KCNH7: variants seen among roughly 807,000 people sequenced by gnomAD.
KCNH7 encodes voltage-gated inwardly rectifying potassium channel KCNH7.
In KCNH7, 49 loss-of-function variants were observed where a neutral mutation model predicts 120.8. The observed-to-expected ratio is 0.41, with a 90% CI of 0.32 to 0.51. KCNH7 has a LOEUF of 0.51. KCNH7 is among the 20% of genes least tolerant of loss of function. The pLI, the probability that KCNH7 is intolerant of heterozygous loss-of-function variation, is 0.38. For missense variants in KCNH7, 1,097 were observed against 1,446.6 expected (o/e 0.76, Z 3.92); for synonymous variants, 547 against 516.1 (o/e 1.06, Z -0.81).
Position 162,451,757 on chromosome 2 carries a change from A to G in KCNH7, c.1129-5314T>C, listed in dbSNP as rs144572267. ...GATATGTTCTCTCCTATGGTCTCTT[A>G]AGCAGGGTAGTAAGATGTGGTGGCT... On this transcript the variant is annotated intron_variant, in intron 6 of 15. Transcript: ENST00000332142. 1.8e-3 allele frequency among the ~76,000 whole-genome samples: 276 copies of G among 152,166 alleles called. 1 individual carries two copies. Among genetic ancestry groups the G allele is most frequent in the Middle Eastern group, 6.8e-3 (2 of 294 alleles).
intron 2 of KCNH7, among the ~76,000 whole-genome samples, chr2:162,642,031 C>T (rs935391410): frequency 6.6e-6 from 1 of 152,236 alleles, no homozygotes; most frequent in African/African-American, 2.4e-5. Context: ...GATCTGGCCA[C>T]TCAGAGGACA....
intron 2 of KCNH7, among the ~76,000 whole-genome samples, chr2:162,538,445 G>A (rs1692187586): frequency 6.6e-6 from 1 of 151,948 alleles, no homozygotes; most frequent in Non-Finnish European, 1.5e-5. Context: ...GGGAGGTTGA[G>A]AGCAAGATTA....
At chr2:162,550,686 C>T (rs1479496162) in intron 2 of KCNH7, among the ~76,000 whole-genome samples, 1 of 152,036 alleles carries the variant, frequency 6.6e-6, no homozygotes, top group African/African-American at 2.4e-5. Context: ...ATTACCTCCC[C>T]TCAAATTACC....
intron 2 of KCNH7, among the ~76,000 whole-genome samples, chr2:162,564,754 C>T (rs1007382527): frequency 6.6e-6 from 1 of 152,108 alleles, no homozygotes; most frequent in Non-Finnish European, 1.5e-5. Flanking sequence ...CTACATGGTT[C>T]TACCTCTAAA....
intron 9 of KCNH7, among the ~76,000 whole-genome samples, chr2:162,418,842 A>G (rs1487445642): frequency 6.6e-6 from 1 of 152,078 alleles, no homozygotes; most frequent in Non-Finnish European, 1.5e-5. Context: ...ACAGCATATC[A>G]TTCTTTATTA....
intron 2 of KCNH7, among the ~76,000 whole-genome samples, chr2:162,684,607 T>C (rs1685822102): frequency 6.6e-6 from 1 of 152,156 alleles, no homozygotes; most frequent in Non-Finnish European, 1.5e-5. Context: ...AAGCTCATCA[T>C]CACTGGTCAT....
At chr2:162,663,391 TG>T (rs1685034047) in intron 2 of KCNH7, among the ~76,000 whole-genome samples, 1 of 152,216 alleles carries the variant, frequency 6.6e-6, no homozygotes, top group Admixed American at 6.5e-5. Context: ...TAGCTTTATT[TG>T]AGGATATATT....
chr2:162,539,858 G>C (rs1251211048), intron 2 of KCNH7, among the ~76,000 whole-genome samples: 2 of 152,166 alleles, frequency 1.3e-5, no homozygotes, highest in African/African-American at 4.8e-5. Flanking sequence ...GACAATGAAA[G>C]GAGATACATG....
intron 7 of KCNH7, among the ~76,000 whole-genome samples, chr2:162,445,761 C>T (rs1333525986): frequency 2.0e-5 from 3 of 152,232 alleles, no homozygotes; most frequent in Non-Finnish European, 4.4e-5. Context: ...GTGCTGTGTG[C>T]TATGGACCAC....
chr2:162,722,350 A>T (rs1046756574), intron 2 of KCNH7, among the ~76,000 whole-genome samples: 2 of 152,148 alleles, frequency 1.3e-5, no homozygotes, highest in Non-Finnish European at 2.9e-5. Context: ...AAAAAATCCA[A>T]ATAATAATTT....
In KCNH7 at chr2:162,793,222, C is replaced by T. The variant is rs116535993; in HGVS notation, c.307+43315G>A. ...CAGAAAACTAAATACCATATGTTCT[C>T]ACTTAGAAGTGGGAGCTAAATTATG... On this transcript the variant is annotated intron_variant, in intron 2 of 15. Transcript: ENST00000332142. 1.9e-3 allele frequency among the ~76,000 whole-genome samples: 285 copies of T among 152,090 alleles called. 1 individual carries two copies. Among genetic ancestry groups the T allele is most frequent in the Non-Finnish European group, 3.3e-3 (225 of 67,974 alleles).
At chr2:162,808,895 G>A (rs1395605637) in intron 2 of KCNH7, among the ~76,000 whole-genome samples, 2 of 152,178 alleles carry the variant, frequency 1.3e-5, no homozygotes, top group Non-Finnish European at 2.9e-5. Context: ...AATTTTGGAT[G>A]GGATAAGTAA....
At chr2:162,808,350 TC>T (rs2105561330) in intron 2 of KCNH7, among the ~76,000 whole-genome samples, 1 of 152,240 alleles carries the variant, frequency 6.6e-6, no homozygotes, top group South Asian at 2.1e-4. Flanking sequence ...AGGCTCTGGA[TC>T]TATGGGTACA....
chr2:162,467,891 C>A (rs1027456884), intron 6 of KCNH7, among the ~76,000 whole-genome samples: 2 of 152,136 alleles, frequency 1.3e-5, no homozygotes, highest in Non-Finnish European at 2.9e-5. Context: ...ACAGATGGCA[C>A]CTTCTTGTTG....
chr2:162,467,122 A>T (rs545448078), intron 6 of KCNH7, among the ~76,000 whole-genome samples: 1 of 152,310 alleles, frequency 6.6e-6, no homozygotes, highest in East Asian at 1.9e-4. Context: ...AGGATTTCAC[A>T]CTGTCTGAGG....
intron 2 of KCNH7, among the ~76,000 whole-genome samples, chr2:162,652,846 A>T (rs1373261902): frequency 1.3e-5 from 2 of 152,260 alleles, no homozygotes; most frequent in African/African-American, 4.8e-5. Context: ...AAGCATACAC[A>T]TTTTTAAAAG....
chr2:162,397,827 A>G (rs879466498), intron 10 of KCNH7, among the ~76,000 whole-genome samples: 2 of 151,854 alleles, frequency 1.3e-5, no homozygotes, highest in Non-Finnish European at 2.9e-5. Flanking sequence ...ATGAATACAG[A>G]AAGAGCATTA....
chr2:162,812,724 A>T (rs1461001595), intron 2 of KCNH7, among the ~76,000 whole-genome samples: 1 of 152,162 alleles, frequency 6.6e-6, no homozygotes, highest in Non-Finnish European at 1.5e-5. Flanking sequence ...GAGAAGTTAA[A>T]GTACAGATGA....
chr2:162,392,296 G>T (rs1686767869), intron 12 of KCNH7, among the ~76,000 whole-genome samples: 1 of 151,890 alleles, frequency 6.6e-6, no homozygotes, highest in Middle Eastern at 3.2e-3. Flanking sequence ...GTGTGCGCAT[G>T]TGTGTGTATG....
Sources: gnomAD v4.1 joint callset for allele counts (sites outside exome capture counted in the v4.1 genomes callset) on GRCh38, gnomAD v4.1.1 for gene constraint, MANE v1.5 for transcripts, NCBI Gene and HGNC (gene_info 2026-07-23, HGNC 2026-07-21) for gene names.